The following ADK variants were observed in gnomAD, a reference collection of about 807,000 sequenced individuals.
The protein encoded by ADK is adenosine kinase, also known as N6,N6-dimethyladenosine kinase.
A neutral mutation model predicts 44.7 loss-of-function variants in ADK; 24 were observed. The observed-to-expected ratio is 0.54, with a 90% CI of 0.39 to 0.76. The LOEUF is 0.76. Among genes scored for constraint, ADK ranks in the 30% least tolerant of loss-of-function variants. ADK has a pLI of 0.00. For synonymous variants in ADK, 128 were observed against 142.6 expected (o/e 0.90, Z 0.73); for missense variants, 321 against 425.1 (o/e 0.76, Z 2.15).
intron 7 of ADK, among the ~76,000 whole-genome samples, chr10:74,566,178 A>G (rs1317694879): frequency 1.4e-5 from 2 of 139,670 alleles, no homozygotes; most frequent in Admixed American, 7.1e-5. Context: ...TGGCCTCTTC[A>G]TGTTTTTATT....
chr10:74,533,068 A>G (rs1849347150), intron 7 of ADK, among the ~76,000 whole-genome samples: 1 of 152,306 alleles, frequency 6.6e-6, no homozygotes, highest in East Asian at 1.9e-4. Context: ...ATACCATCAA[A>G]AAGTATAACA....
intron 9 of ADK, among the ~76,000 whole-genome samples, chr10:74,642,208 A>T (rs1853875162): frequency 6.6e-6 from 1 of 152,170 alleles, no homozygotes; most frequent in Non-Finnish European, 1.5e-5. Context: ...TTATGAAAAT[A>T]TGTTAAAATG....
intron 1 of ADK, among the ~76,000 whole-genome samples, chr10:74,184,131 T>C (rs1190199564): frequency 6.6e-6 from 1 of 151,888 alleles, no homozygotes; most frequent in Non-Finnish European, 1.5e-5. Flanking sequence ...TTGGCAAGGC[T>C]GGTCTTGAAC....
chr10:74,254,211 G>T lies in ADK; in HGVS notation c.194+29620G>T, dbSNP rs146666466. On this transcript the variant is annotated intron_variant, in intron 3 of 10. Transcript: ENST00000539909. ...TGTAAGAAAATAAGAGCATTATAGA[G>T]ATAGATTAGGCAATTAATAAAGATA... 1.3e-3 allele frequency among the ~76,000 whole-genome samples: 194 copies of T among 152,278 alleles called. 4 individuals are homozygous for T. In the East Asian group the frequency reaches 0.016, roughly 12 times the overall value.
intron 1 of ADK, chr10:74,177,010 T>TG: frequency 2.2e-6 from 3 of 1,356,784 alleles, no homozygotes; most frequent in Non-Finnish European, 2.0e-6. Context: ...CCCCTCGTGT[T>TG]GGGGGTTCCC....
intron 6 of ADK, among the ~76,000 whole-genome samples, chr10:74,449,265 G>A (rs1845689216): frequency 6.6e-6 from 1 of 152,126 alleles, no homozygotes; most frequent in Non-Finnish European, 1.5e-5. Flanking sequence ...GGGTACATGT[G>A]CACAACGTGC....
At chr10:74,308,377 G>A (rs983571716) in intron 3 of ADK, among the ~76,000 whole-genome samples, 1 of 151,982 alleles carries the variant, frequency 6.6e-6, no homozygotes, top group African/African-American at 2.4e-5. Flanking sequence ...TACTTTTTCC[G>A]TCTTTTAAAA....
At chr10:74,287,394 G>A (rs1847211947) in intron 3 of ADK, among the ~76,000 whole-genome samples, 1 of 152,006 alleles carries the variant, frequency 6.6e-6, no homozygotes, top group African/African-American at 2.4e-5. Flanking sequence ...AACCCAGGAG[G>A]CGGAGGTTGC....
intron 6 of ADK, among the ~76,000 whole-genome samples, chr10:74,417,413 C>T (rs1024836144): frequency 6.6e-6 from 1 of 152,032 alleles, no homozygotes; most frequent in Non-Finnish European, 1.5e-5. Context: ...TTAAGGTACA[C>T]TGTAGTGTTT....
chr10:74,586,156 AC>A (rs1229837129), intron 7 of ADK, among the ~76,000 whole-genome samples: 3 of 152,162 alleles, frequency 2.0e-5, no homozygotes, highest in Non-Finnish European at 4.4e-5. Context: ...GTACCTACAA[AC>A]ACCTTCAGAT....
chr10:74,497,097 CG>C (rs1295474834), intron 6 of ADK, among the ~76,000 whole-genome samples: 4 of 152,064 alleles, frequency 2.6e-5, no homozygotes, highest in African/African-American at 9.7e-5. Flanking sequence ...ACAGGGACTA[CG>C]GGCGCCACCT....
At chr10:74,674,917 C>T (rs1348918530) in intron 10 of ADK, among the ~76,000 whole-genome samples, 5 of 151,848 alleles carry the variant, frequency 3.3e-5, no homozygotes, top group South Asian at 4.2e-4. Flanking sequence ...AAATAATTGT[C>T]GTTGACTCCT....
At chr10:74,160,922 T>A (rs1841880278) in intron 1 of ADK, among the ~76,000 whole-genome samples, 1 of 152,084 alleles carries the variant, frequency 6.6e-6, no homozygotes, top group South Asian at 2.1e-4. Flanking sequence ...AAAACAACCT[T>A]CCTCTTCTCC....
chr10:74,293,192 A>C (rs1289059906), intron 3 of ADK, among the ~76,000 whole-genome samples: 1 of 145,716 alleles, frequency 6.9e-6, no homozygotes, highest in African/African-American at 2.5e-5. Context: ...AAAAAAAAAA[A>C]AGGAAATATT....
chr10:74,449,901 T>G (rs1845712000), intron 6 of ADK, among the ~76,000 whole-genome samples: 2 of 152,164 alleles, frequency 1.3e-5, no homozygotes, highest in Admixed American at 6.5e-5. Flanking sequence ...TTAGGTTGAT[T>G]AAGGAATGAG....
chr10:74,319,336 C>T (rs1840734665), intron 4 of ADK, among the ~76,000 whole-genome samples: 1 of 152,180 alleles, frequency 6.6e-6, no homozygotes. Context: ...AAAGTGTTGA[C>T]ACCTTGATTC....
At chr10:74,193,146 G>A (rs1166839522) in intron 1 of ADK, among the ~76,000 whole-genome samples, 4 of 152,090 alleles carry the variant, frequency 2.6e-5, no homozygotes, top group South Asian at 2.1e-4. Flanking sequence ...GTGATACTCT[G>A]TATTTTAAAG....
intron 6 of ADK, among the ~76,000 whole-genome samples, chr10:74,504,870 C>G (rs111844826): frequency 1.3e-5 from 2 of 152,290 alleles, no homozygotes; most frequent in East Asian, 3.9e-4. Flanking sequence ...GAGGCCTCCC[C>G]AGCCATGCAG....
chr10:74,191,913 A>G (rs1194632604), intron 1 of ADK, among the ~76,000 whole-genome samples: 2 of 152,166 alleles, frequency 1.3e-5, no homozygotes, highest in African/African-American at 4.8e-5. Context: ...AAATTTCTTC[A>G]TATTATTTCT....
Sources: allele counts gnomAD v4.1 joint callset (sites outside exome capture counted in the v4.1 genomes callset), GRCh38; gene constraint gnomAD v4.1.1; transcripts MANE v1.5; gene names NCBI Gene and HGNC (gene_info 2026-07-23, HGNC 2026-07-21).